The following WDR74 variants were observed in gnomAD, a reference collection of about 807,000 sequenced individuals.
The protein encoded by WDR74 is WD repeat domain 74.
WDR74 carries 31 observed loss-of-function variants against 45.6 expected under a neutral mutation model. The observed-to-expected ratio is 0.68, with a 90% CI of 0.51 to 0.92. The LOEUF (loss-of-function observed/expected upper bound fraction) is 0.92. Ranked by LOEUF, WDR74 falls within the 40% of genes least tolerant of loss-of-function variation. The pLI is 0.00. For synonymous variants in WDR74, 191 were observed against 192.4 expected (o/e 0.99, Z 0.06); for missense variants, 455 against 497.2 (o/e 0.92, Z 0.81).
chr11:62,840,490 A>G (rs998016444), upstream of WDR74: 1 of 151,904 alleles, frequency 6.6e-6, no homozygotes, highest in Non-Finnish European at 1.5e-5. Context: ...AAAAAAAAAA[A>G]CAAAAACAAC....
rs747632170 is a variant in WDR74 at position 62,839,541 on chromosome 11, A to C, written c.30T>G (p.His10Gln). Residue 10 changes from histidine to glutamine, a missense_variant, in exon 1 of 11, where the codon CAT becomes CAG. Transcript: ENST00000278856. Reference sequence around the variant, plus strand: ...TCCCAGTCTCGGTGCCGACCCACACATGGTTCCAGCGTGCAGCAGCAGCCG... The same window carrying C: ...TCCCAGTCTCGGTGCCGACCCACACCTGGTTCCAGCGTGCAGCAGCAGCCG... MAAAAARWN[H>Q]VWVGTETGIL... 6.2e-7 allele frequency: 1 copy of C among 1,613,146 alleles called. No individual in the cohort carries two copies. The highest frequency in any genetic ancestry group is 1.7e-5 in the Admixed American group (1 of 59,972).
chr11:62,835,313 A>C, intron 6 of WDR74, 118 bp downstream of exon 6: 1 of 865,516 alleles, frequency 1.2e-6, no homozygotes, highest in Non-Finnish European at 1.8e-6. Context: ...CAGACGGGGA[A>C]GCGCTTGCTC....
chr11:62,841,274 G>A (rs1465806070), upstream of WDR74, among the ~76,000 whole-genome samples: 2 of 152,130 alleles, frequency 1.3e-5, no homozygotes, highest in Admixed American at 6.6e-5. Context: ...CTGAGATCAT[G>A]CCATTGCACT....
Position 62,839,221 on chromosome 11 carries a change from G to T in WDR74, c.186C>A (p.Cys62Ter). The change falls in exon 3 of 11, where the codon TGC becomes TGA. Residue 62 changes from cysteine to a stop codon, truncating the protein, a stop_gained. Coordinates refer to ENST00000278856, the MANE Select transcript of WDR74 (RefSeq NM_001369450.1). LOFTEE classifies it high-confidence loss of function. ...TGAAGTGCTTCACCGTCCTGTCCGC[G>T]CAGCCCACCAGCATCTGCGGCAAAG... ...TGGETQMLVG[C>*]ADRTVKHFST... 2 of 1,613,556 alleles carry T rather than the reference G, an allele frequency of 1.2e-6. No homozygotes were observed. Among genetic ancestry groups the T allele is most frequent in the South Asian group, 2.2e-5 (2 of 91,084 alleles).
At chr11:62,834,628 A>C in intron 6 of WDR74, 101 bp from the exon 7 acceptor site, 1 of 1,015,606 alleles carries the variant, frequency 9.8e-7, no homozygotes, top group Non-Finnish European at 1.4e-6. Context: ...TTTCTTATTT[A>C]TGATCCACTC....
intron 10 of WDR74, 128 bp downstream of exon 10, chr11:62,833,490 A>T: frequency 8.6e-7 from 1 of 1,156,198 alleles, no homozygotes; most frequent in South Asian, 1.5e-5. Flanking sequence ...CCTCTCAGAG[A>T]AATTAAGTGA....
Position 62,839,219 on chromosome 11 carries a change from G to A in WDR74, c.188C>T (p.Ala63Val). Reference sequence around the variant, plus strand: ...GCTGAAGTGCTTCACCGTCCTGTCCGCGCAGCCCACCAGCATCTGCGGCAA... The same window carrying A: ...GCTGAAGTGCTTCACCGTCCTGTCCACGCAGCCCACCAGCATCTGCGGCAA... ...GGETQMLVGCADRTVKHFSTE... is the reference protein window; with the variant it reads ...GGETQMLVGCVDRTVKHFSTE... Residue 63 changes from alanine (A) to valine (V), a missense_variant, in exon 3 of 11, where the codon GCG becomes GTG. Ala to Val is a moderately conservative substitution (Grantham distance 64, BLOSUM62 0). Coordinates refer to ENST00000278856, the MANE Select transcript of WDR74 (RefSeq NM_001369450.1). The A allele has an allele frequency of 5.0e-6, 8 of 1,613,614 alleles. No homozygotes were observed. Among genetic ancestry groups the A allele is most frequent in the Non-Finnish European group, 5.9e-6 (7 of 1,179,896 alleles).
upstream of WDR74, among the ~76,000 whole-genome samples, chr11:62,841,403 A>G (rs535900746): frequency 2.0e-5 from 3 of 151,442 alleles, no homozygotes; most frequent in Non-Finnish European, 4.4e-5. Context: ...CCAGAGGCTG[A>G]AGTATGAAGA....
At chr11:62,838,892 A>G (rs1373018396) in intron 3 of WDR74, among the ~76,000 whole-genome samples, 2 of 152,154 alleles carry the variant, frequency 1.3e-5, no homozygotes, top group East Asian at 3.9e-4. Flanking sequence ...GAAGGCAGAA[A>G]TTTTACCGGC....
At chr11:62,839,610 G>A, upstream of WDR74, 1 of 1,567,122 alleles carries the variant, frequency 6.4e-7, no homozygotes, top group Non-Finnish European at 8.7e-7. Context: ...TTCCGGCGCA[G>A]CGTGTGCGTC....
chr11:62,839,866 G>C (rs2085022191), upstream of WDR74: 1 of 406,510 alleles, frequency 2.5e-6, no homozygotes, highest in Admixed American at 4.2e-5. Flanking sequence ...ATGTGTTCTG[G>C]ACTGTTAGAC....
At position 62,835,836 on chromosome 11, in the gene WDR74, C is replaced by T; in HGVS notation, c.375G>A (p.Leu125=). The stretch of plus-strand genomic sequence containing the variant: ...ACACCCCAGGGCCCACTCTCAGTTC[C>T]AGGAGCTGTAAAGAATAGGAGATAA... The part of the protein sequence containing the change: ...KDKDTSSDPL[L]ELRVGPGVCR... Residue 125 remains leucine, a synonymous_variant, in exon 5 of 11, where the codon CTG becomes CTA. Coordinates refer to ENST00000278856, the MANE Select transcript of WDR74 (RefSeq NM_001369450.1). 2 of 1,610,508 alleles carry T rather than the reference C, an allele frequency of 1.2e-6. No homozygotes were observed. The highest frequency in any genetic ancestry group is 1.7e-6 in the Non-Finnish European group (2 of 1,178,282).
In WDR74 at chr11:62,834,440, T is replaced by G. The variant is rs2084928640; in HGVS notation, c.706A>C (p.Thr236Pro). The G allele has an allele frequency of 6.8e-7, 1 of 1,481,106 alleles. No homozygotes were observed. The highest frequency in any genetic ancestry group is 1.6e-5 in the African/African-American group (1 of 62,378). 91.7% of individuals were successfully genotyped at this position (1,481,106 alleles called of 1,614,324 possible). The change falls in exon 7 of 11, where the codon ACT becomes CCT. Residue 236 changes from threonine (T) to proline (P), a missense_variant. Thr to Pro is a conservative substitution (Grantham distance 38). Transcript: ENST00000278856. ...GEYPLTAMTL[T>P]PGGNSVIVGN... ...CTAAACACTCACTTGCCTCCCGGAGTGAGGGTCATGGCTGTTAGTGGGTAC... is the reference window on the plus strand; with the variant it reads ...CTAAACACTCACTTGCCTCCCGGAGGGAGGGTCATGGCTGTTAGTGGGTAC...
At chr11:62,839,825 C>G (rs2085021654), upstream of WDR74, 4 of 549,554 alleles carry the variant, frequency 7.3e-6, no homozygotes. Context: ...TCAAGCCAGC[C>G]CTAGTCTGTC....
chr11:62,834,203 G>A, intron 8 of WDR74, 73 bp downstream of exon 8: 2 of 1,604,668 alleles, frequency 1.2e-6, no homozygotes, highest in Non-Finnish European at 1.7e-6. Flanking sequence ...TGGCCCCACT[G>A]CACCACCTTA....
upstream of WDR74, chr11:62,841,622 GAGTGCACCGTTCCTGGA>G (rs1209588957): frequency 6.6e-6 from 1 of 152,224 alleles, no homozygotes; most frequent in Admixed American, 6.5e-5. Flanking sequence ...CCCGAAGGGA[GAGTGCACCGTTCCTGGA>G]AGTACTGCAA....
At chr11:62,840,436 T>C (rs1438372551), upstream of WDR74, 1 of 151,346 alleles carries the variant, frequency 6.6e-6, no homozygotes, top group African/African-American at 2.4e-5. Context: ...TGAGCCGAGA[T>C]TGCGCCACTG....
At chr11:62,836,518 G>A in intron 3 of WDR74, 1 of 163,808 alleles carries the variant, frequency 6.1e-6, no homozygotes, top group Non-Finnish European at 1.3e-5. Flanking sequence ...AACTTCTTGG[G>A]TTCCTTGCTC....
chr11:62,833,232 G>A, intron 10 of WDR74, 101 bp from the exon 11 acceptor site: 1 of 1,178,772 alleles, frequency 8.5e-7, no homozygotes, highest in Non-Finnish European at 1.2e-6. Context: ...AGGATTGCTT[G>A]AGCCCAGGAC....
Sources: allele counts gnomAD v4.1 joint callset (sites outside exome capture counted in the v4.1 genomes callset), GRCh38; gene constraint gnomAD v4.1.1; transcripts MANE v1.5; gene names NCBI Gene and HGNC (gene_info 2026-07-23, HGNC 2026-07-21).